The following SBF2 variants were observed in gnomAD, a reference collection of about 807,000 sequenced individuals.
SBF2 encodes the protein myotubularin-related protein 13.
In SBF2, 112 loss-of-function variants were observed where a neutral mutation model predicts 225.2. The ratio of observed to expected loss-of-function variants is 0.50; its 90% confidence interval spans 0.43 to 0.58. The LOEUF is 0.58. Ranked by LOEUF, SBF2 falls within the 20% of genes least tolerant of loss-of-function variation. The pLI is 0.00. For missense variants in SBF2, 1,996 were observed against 2,206.2 expected (o/e 0.90, Z 1.91); for synonymous variants, 763 against 773.3 (o/e 0.99, Z 0.22).
chr11:10,178,071 T>C (rs1956551324), intron 2 of SBF2, among the ~76,000 whole-genome samples: 1 of 146,898 alleles, frequency 6.8e-6, no homozygotes, highest in African/African-American at 2.6e-5. Flanking sequence ...TTGACAAACC[T>C]GAGAAAAACA....
intron 28 of SBF2, among the ~76,000 whole-genome samples, chr11:9,818,888 A>G (rs540570028): frequency 2.0e-5 from 3 of 150,698 alleles, no homozygotes; most frequent in Non-Finnish European, 3.0e-5. Context: ...CGCCCGGCTA[A>G]TTTTTGTATT....
Position 10,303,091 on chromosome 11 carries a change from G to A in SBF2, n.386+1401C>T, listed in dbSNP as rs914844465. 2.6e-5 allele frequency: 4 copies of A among 152,386 alleles called. No individual in the cohort carries two copies. The highest frequency in any genetic ancestry group is 9.6e-5 in the African/African-American group (4 of 41,480). The allele number at this position is 152,386 out of a possible 1,614,324, so 9.4% of individuals were successfully genotyped here. On this transcript the variant is annotated intron_variant and non_coding_transcript_variant, in intron 1 of 5. Coordinates refer to the SBF2 transcript ENST00000685217. This position sits in a 1 kb window ranked among gnomAD's most constrained non-coding sequence, Gnocchi z 5.2. Reference sequence around the variant, plus strand: ...ATAAAGTGAAAGGAAAAGGAAATGGGAGACAAGGGAGAAGAACAATAGTTA... The same window carrying A: ...ATAAAGTGAAAGGAAAAGGAAATGGAAGACAAGGGAGAAGAACAATAGTTA...
intron 17 of SBF2, among the ~76,000 whole-genome samples, chr11:9,878,968 C>G (rs895259734): frequency 5.9e-5 from 9 of 152,214 alleles, no homozygotes; most frequent in Admixed American, 5.2e-4. Flanking sequence ...AAAAATCTAT[C>G]AGTGACAAAG....
intron 32 of SBF2, among the ~76,000 whole-genome samples, chr11:9,797,218 G>C (rs1323719292): frequency 6.6e-6 from 1 of 152,214 alleles, no homozygotes; most frequent in Non-Finnish European, 1.5e-5. Flanking sequence ...TGATAATGTT[G>C]ATTGTCCAGT....
At chr11:10,026,378 A>G (rs1418222158) in intron 6 of SBF2, among the ~76,000 whole-genome samples, 1 of 152,178 alleles carries the variant, frequency 6.6e-6, no homozygotes, top group Non-Finnish European at 1.5e-5. Context: ...GCTAAAATCA[A>G]TTAAGTCAAT....
chr11:9,877,479 G>A (rs1055924348), intron 17 of SBF2, among the ~76,000 whole-genome samples: 4 of 152,278 alleles, frequency 2.6e-5, no homozygotes, highest in Middle Eastern at 3.4e-3. Context: ...CATGTGCCAT[G>A]TTGGTTTGCT....
At chr11:9,809,114 C>A in intron 30 of SBF2, 112 bp from the exon 31 acceptor site, 3 of 730,046 alleles carry the variant, frequency 4.1e-6, no homozygotes, top group Non-Finnish European at 7.4e-6. Flanking sequence ...AAAGCGCTTG[C>A]ACAAAAGAAC....
intron 1 of SBF2, among the ~76,000 whole-genome samples, chr11:10,196,866 A>ATATATATATATATATATATATATATTT: frequency 8.1e-5 from 8 of 99,306 alleles, no homozygotes; most frequent in South Asian, 3.5e-4. Context: ...ATATATATAT[A>ATATATATATATATATATATATATATTT]TTTTTTTTTT....
chr11:10,090,784 A>AAAAAAAAAAAAAAC, intron 2 of SBF2, among the ~76,000 whole-genome samples: 3 of 150,220 alleles, frequency 2.0e-5, no homozygotes, highest in Non-Finnish European at 3.0e-5. Context: ...AAAAAAAAAA[A>AAAAAAAAAAAAAAC]AGCTATTAGA....
In SBF2 at chr11:10,044,900, C is replaced by T. The variant is rs140075003; in HGVS notation, c.142-1919G>A. 2.4e-3 allele frequency among the ~76,000 whole-genome samples: 359 copies of T among 152,244 alleles called. 1 individual carries two copies. Among genetic ancestry groups the T allele is most frequent in the Middle Eastern group, 6.8e-3 (2 of 292 alleles). The stretch of plus-strand genomic sequence containing the variant: ...CAGAAGTAAATTGCCTTGCTGAGAA[C>T]GCTTTTTGCCTGAGTGCTGGTTTCA... On this transcript the variant is annotated intron_variant, in intron 2 of 39. Transcript: ENST00000256190.
At chr11:10,253,777 A>G (rs1277747334) in intron 1 of SBF2, among the ~76,000 whole-genome samples, 1 of 152,198 alleles carries the variant, frequency 6.6e-6, no homozygotes, top group East Asian at 1.9e-4. Flanking sequence ...TCCAAAAAAA[A>G]ACAAAAAGGC....
intron 19 of SBF2, among the ~76,000 whole-genome samples, chr11:9,855,129 A>C (rs1441558710): frequency 6.6e-6 from 1 of 152,210 alleles, no homozygotes; most frequent in Non-Finnish European, 1.5e-5. Context: ...TGAAACAACT[A>C]AGAGACTGTT....
At chr11:10,029,512 C>G (rs1210896469) in intron 5 of SBF2, among the ~76,000 whole-genome samples, 1 of 152,098 alleles carries the variant, frequency 6.6e-6, no homozygotes, top group Non-Finnish European at 1.5e-5. Flanking sequence ...TCAAGTTACA[C>G]AAAATATGAC....
upstream of SBF2, among the ~76,000 whole-genome samples, chr11:10,298,837 C>T (rs1040410574): frequency 3.3e-5 from 5 of 152,280 alleles, no homozygotes; most frequent in Admixed American, 1.3e-4. Flanking sequence ...TAGTTTGAGC[C>T]GTTATCACCT....
At chr11:9,812,855 C>T (rs1189569887) in intron 29 of SBF2, 147 bp from the exon 30 acceptor site, 25 of 794,194 alleles carry the variant, frequency 3.1e-5, no homozygotes, top group South Asian at 9.3e-5. Flanking sequence ...CAATCTTGTA[C>T]AGCAATGTGT....
intron 22 of SBF2, among the ~76,000 whole-genome samples, 176 bp from the exon 23 acceptor site, chr11:9,847,259 C>T (rs867281256): frequency 2.0e-5 from 3 of 152,118 alleles, no homozygotes; most frequent in Non-Finnish European, 4.4e-5. Flanking sequence ...TCAGGAGTGG[C>T]AAGTGACTTA....
chr11:10,264,137 C>T (rs952138805), intron 1 of SBF2, among the ~76,000 whole-genome samples: 8 of 152,176 alleles, frequency 5.3e-5, no homozygotes, highest in Admixed American at 2.6e-4. Flanking sequence ...AAACTGCCCT[C>T]TTTATAGCTC....
chr11:9,988,462 C>T (rs183059287), intron 13 of SBF2, among the ~76,000 whole-genome samples: 2 of 152,264 alleles, frequency 1.3e-5, no homozygotes, highest in Non-Finnish European at 2.9e-5. Flanking sequence ...GCAGAGTAAA[C>T]AGACAACCCA....
At chr11:9,894,612 A>T (rs1354803978) in intron 17 of SBF2, among the ~76,000 whole-genome samples, 1 of 152,056 alleles carries the variant, frequency 6.6e-6, no homozygotes, top group Non-Finnish European at 1.5e-5. Flanking sequence ...TGAGCCCAGG[A>T]GGCAGAGGCT....
Sources: allele counts gnomAD v4.1 joint callset (sites outside exome capture counted in the v4.1 genomes callset), GRCh38; gene constraint gnomAD v4.1.1; non-coding constraint Gnocchi (gnomAD v3.1); transcripts MANE v1.5; gene names NCBI Gene and HGNC (gene_info 2026-07-23, HGNC 2026-07-21).